The following SEC24D variants were observed in gnomAD, a reference collection of about 807,000 sequenced individuals.
SEC24D encodes SEC24 homolog D, COPII component.
A neutral mutation model predicts 116.9 loss-of-function variants in SEC24D; 69 were observed. The observed-to-expected ratio is 0.59, with a 90% CI of 0.49 to 0.72. The LOEUF (loss-of-function observed/expected upper bound fraction) is 0.72, where lower values mean the gene tolerates loss of function less well. SEC24D is among the 30% of genes least tolerant of loss of function. The pLI is 0.00. For missense variants in SEC24D, 1,131 were observed against 1,264.1 expected (o/e 0.89, Z 1.60); for synonymous variants, 405 against 442.8 (o/e 0.91, Z 1.07).
rs567524020 is a variant in SEC24D, at chr4:118,805,139, G to A, written c.913+704C>T. Reference sequence around the variant, plus strand: ...CTACCCACTCTATAAGGTTAGCTCTGAAGGTGGCACAGAGGATAGAGAGAG... The same window carrying A: ...CTACCCACTCTATAAGGTTAGCTCTAAAGGTGGCACAGAGGATAGAGAGAG... On this transcript the variant is annotated intron_variant, in intron 7 of 22. Coordinates refer to ENST00000280551, the MANE Select transcript of SEC24D (RefSeq NM_014822.4). Among the ~76,000 whole-genome samples, 11 of 152,298 alleles carry A rather than the reference G, an allele frequency of 7.2e-5. No homozygotes were observed. In the South Asian group the frequency reaches 1.9e-3, roughly 26 times the overall value.
intron 14 of SEC24D, 34 bp downstream of exon 14, chr4:118,744,910 T>G: frequency 8.6e-7 from 1 of 1,164,730 alleles, no homozygotes. Context: ...CTCTTAATAA[T>G]TGACATATGG....
chr4:118,737,436 T>C (rs1336953790), intron 19 of SEC24D, among the ~76,000 whole-genome samples: 1 of 152,196 alleles, frequency 6.6e-6, no homozygotes, highest in Non-Finnish European at 1.5e-5. Context: ...AGATTAAGAA[T>C]TTGGACCCAA....
intron 6 of SEC24D, among the ~76,000 whole-genome samples, chr4:118,812,578 A>G (rs1303912863): frequency 6.6e-6 from 1 of 152,022 alleles, no homozygotes; most frequent in East Asian, 1.9e-4. Context: ...ACTGACAGAC[A>G]TGGGAAGAGG....
intron 9 of SEC24D, among the ~76,000 whole-genome samples, chr4:118,767,529 T>G (rs1727696535): frequency 6.6e-6 from 1 of 152,242 alleles, no homozygotes; most frequent in Non-Finnish European, 1.5e-5. Context: ...GTACCTCATT[T>G]AACAACAAAT....
In SEC24D at chr4:118,833,761, T is replaced by C. The variant is rs756156445; in HGVS notation, c.-41-24A>G. 4.5e-6 allele frequency: 5 copies of C among 1,115,880 alleles called. No homozygotes were observed. The African/African-American group carries it at 4.7e-5, about 10-fold the overall frequency. 69.1% of individuals were successfully genotyped at this position (1,115,880 alleles called of 1,614,324 possible). A position where few individuals can be genotyped will look rare whatever the true frequency, so the allele number is the denominator to read the frequency against. ...GTCTGCAACAGAGAAACAAGAAACA[T>C]GTTACCAAGACAGTTTTAGTTACGT... On this transcript the variant is annotated intron_variant, in intron 1 of 22. Coordinates refer to ENST00000280551, the MANE Select transcript of SEC24D (RefSeq NM_014822.4).
At chr4:118,782,780 T>C (rs778236903) in intron 8 of SEC24D, among the ~76,000 whole-genome samples, 14 of 152,308 alleles carry the variant, frequency 9.2e-5, no homozygotes, top group Admixed American at 2.0e-4. Context: ...CCTGGCTGGT[T>C]TGTTTACCTA....
intron 3 of SEC24D, among the ~76,000 whole-genome samples, chr4:118,821,468 T>A: frequency 6.6e-6 from 1 of 152,248 alleles, no homozygotes; most frequent in Non-Finnish European, 1.5e-5. Flanking sequence ...TTAAGACATT[T>A]ATTCTTCCTC....
At chr4:118,801,354 T>C (rs1276605418) in intron 7 of SEC24D, among the ~76,000 whole-genome samples, 1 of 152,136 alleles carries the variant, frequency 6.6e-6, no homozygotes, top group African/African-American at 2.4e-5. Flanking sequence ...TTAGATAGCT[T>C]CTAGGAACAG....
chr4:118,803,146 T>C (rs1729520775), intron 7 of SEC24D, among the ~76,000 whole-genome samples: 1 of 151,940 alleles, frequency 6.6e-6, no homozygotes, highest in Non-Finnish European at 1.5e-5. Context: ...TGTGGGATGA[T>C]TTTTTTTACA....
chr4:118,806,322 T>A (rs1056347351), intron 6 of SEC24D, among the ~76,000 whole-genome samples: 1 of 152,068 alleles, frequency 6.6e-6, no homozygotes, highest in African/African-American at 2.4e-5. Context: ...ATTTTCTTTC[T>A]TTTTTATTTA....
chr4:118,828,272 C>A lies in SEC24D; in HGVS notation c.119-3523G>T, dbSNP rs1054357763. ...CACAGGCGCCTGCCACTACGCCCGGCTAATTTATTTGCGTTTTTAGTAGAG... is the reference window on the plus strand; with the variant it reads ...CACAGGCGCCTGCCACTACGCCCGGATAATTTATTTGCGTTTTTAGTAGAG... On this transcript the variant is annotated intron_variant, in intron 2 of 22. Transcript: ENST00000280551. Among the ~76,000 whole-genome samples, 4 of 152,214 alleles carry A rather than the reference C, an allele frequency of 2.6e-5. No individual in the cohort carries two copies. The East Asian group carries it at 7.7e-4, about 29-fold the overall frequency.
intron 2 of SEC24D, among the ~76,000 whole-genome samples, chr4:118,829,635 A>G (rs1445924038): frequency 6.6e-6 from 1 of 152,160 alleles, no homozygotes; most frequent in Admixed American, 6.5e-5. Flanking sequence ...CAACACAGAG[A>G]AACCCCGTCT....
chr4:118,811,711 T>C (rs1729927986), intron 6 of SEC24D, among the ~76,000 whole-genome samples: 1 of 152,172 alleles, frequency 6.6e-6, no homozygotes, highest in Non-Finnish European at 1.5e-5. Context: ...GTAAAACCAT[T>C]ACTTAAAATA....
chr4:118,790,013 C>T (rs557513326), intron 8 of SEC24D, among the ~76,000 whole-genome samples: 12 of 152,280 alleles, frequency 7.9e-5, no homozygotes, highest in Admixed American at 4.6e-4. Flanking sequence ...TCACATTGTA[C>T]GAAAGTTAGC....
rs571142484 is a variant in SEC24D at position 118,819,827 on chromosome 4, C to A, written c.249-2415G>T. Among the ~76,000 whole-genome samples, 118 of 152,224 alleles carry A rather than the reference C, an allele frequency of 7.8e-4. 2 individuals carry two copies. The highest frequency in any genetic ancestry group is 2.8e-3 in the African/African-American group (118 of 41,538). On this transcript the variant is annotated intron_variant, in intron 3 of 22. Transcript: ENST00000280551. ...AATATATTTCAAACAGGAGTTATAA[C>A]ACAAGCAGCTTCAAGTATTTTTTTT...
At chr4:118,821,448 G>A (rs757364094) in intron 3 of SEC24D, among the ~76,000 whole-genome samples, 3 of 152,084 alleles carry the variant, frequency 2.0e-5, no homozygotes, top group Non-Finnish European at 2.9e-5. Context: ...CTTTAGCACT[G>A]CTTGCAAGTT....
intron 6 of SEC24D, among the ~76,000 whole-genome samples, chr4:118,811,686 A>C (rs536001488): frequency 1.3e-4 from 20 of 152,322 alleles, no homozygotes; most frequent in African/African-American, 4.8e-4. Flanking sequence ...TTTCCCATTC[A>C]GTCCCCATAA....
chr4:118,795,498 C>T (rs985581847), intron 8 of SEC24D, among the ~76,000 whole-genome samples: 3 of 152,170 alleles, frequency 2.0e-5, no homozygotes, highest in Non-Finnish European at 2.9e-5. Flanking sequence ...TGTGAGCCAC[C>T]GTGCCCAGCC....
At chr4:118,726,054 C>G (rs1309873666) in intron 22 of SEC24D, among the ~76,000 whole-genome samples, 2 of 152,158 alleles carry the variant, frequency 1.3e-5, no homozygotes, top group Non-Finnish European at 2.9e-5. Flanking sequence ...GTGCCTTCTC[C>G]AAGGGAAGAC....
Sources: allele counts gnomAD v4.1 joint callset (sites outside exome capture counted in the v4.1 genomes callset), GRCh38; gene constraint gnomAD v4.1.1; transcripts MANE v1.5; gene names NCBI Gene and HGNC (gene_info 2026-07-23, HGNC 2026-07-21).